Variants in FHOD3 observed in about 807,000 individuals in gnomAD.
FHOD3 encodes the protein formin homology 2 domain containing 3, also known as FH1/FH2 domain-containing protein 3.
A neutral mutation model predicts 173.0 loss-of-function variants in FHOD3; 90 were observed. The ratio of observed to expected loss-of-function variants is 0.52; its 90% CI spans 0.44 to 0.62. The LOEUF is 0.62. FHOD3 is among the 20% of genes least tolerant of loss of function. The pLI, the probability that FHOD3 is intolerant of heterozygous loss-of-function variation, is 0.00. For missense variants in FHOD3, 1,945 were observed against 2,034.7 expected, an observed-to-expected ratio of 0.96 and a Z score of 0.85; for synonymous variants, 828 against 823.0, an observed-to-expected ratio of 1.01 and a Z score of -0.10.
intron 1 of FHOD3, among the ~76,000 whole-genome samples, chr18:36,343,043 A>C (rs558497915): frequency 6.6e-6 from 1 of 152,346 alleles, no homozygotes; most frequent in East Asian, 1.9e-4. Context: ...ATTGTAGAGA[A>C]ATTGGAAACT....
intron 3 of FHOD3, among the ~76,000 whole-genome samples, chr18:36,450,145 C>T (rs1048708468): frequency 6.6e-6 from 1 of 152,310 alleles, no homozygotes; most frequent in Admixed American, 6.5e-5. Context: ...AGCTTAGCTC[C>T]CACCTATGAG....
chr18:36,713,709 A>AT (rs1263975335), intron 18 of FHOD3, among the ~76,000 whole-genome samples: 1 of 152,204 alleles, frequency 6.6e-6, no homozygotes, highest in Non-Finnish European at 1.5e-5. Flanking sequence ...AATTACATTG[A>AT]TTTTATCTTT....
At chr18:36,517,137 G>T (rs2056032158) in intron 5 of FHOD3, among the ~76,000 whole-genome samples, 1 of 152,166 alleles carries the variant, frequency 6.6e-6, no homozygotes, top group South Asian at 2.1e-4. Flanking sequence ...GTACAACGTG[G>T]AGGAATAATA....
intron 3 of FHOD3, among the ~76,000 whole-genome samples, chr18:36,381,324 A>G (rs1299038236): frequency 6.6e-6 from 1 of 152,234 alleles, no homozygotes; most frequent in African/African-American, 2.4e-5. Context: ...ATGCAGCTGA[A>G]ATTCCTTCTG....
At chr18:36,475,389 A>G (rs1001630248) in intron 3 of FHOD3, among the ~76,000 whole-genome samples, 2 of 148,648 alleles carry the variant, frequency 1.3e-5, no homozygotes, top group Admixed American at 1.4e-4. Context: ...GATCTCCACC[A>G]GGGTTATTGT....
chr18:36,436,163 G>T (rs1253130607), intron 3 of FHOD3, among the ~76,000 whole-genome samples: 1 of 152,190 alleles, frequency 6.6e-6, no homozygotes, highest in African/African-American at 2.4e-5. Flanking sequence ...GCATGCTGAG[G>T]TATGACAGTT....
At chr18:36,752,512 A>G (rs2042446953) in intron 24 of FHOD3, among the ~76,000 whole-genome samples, 1 of 152,196 alleles carries the variant, frequency 6.6e-6, no homozygotes, top group Non-Finnish European at 1.5e-5. Context: ...TACAATCTTC[A>G]TATCATGTAT....
At position 36,755,321 on chromosome 18, in the gene FHOD3, A is replaced by AT; in HGVS notation, c.4425+10_4425+11insT. 6.5e-7 allele frequency: 1 copy of AT among 1,550,006 alleles called. No homozygotes were observed. Among genetic ancestry groups the AT allele is most frequent in the Non-Finnish European group, 8.8e-7 (1 of 1,142,466 alleles). ...GAAGATGATCACCGATGTAAGTTTC[A>AT]CACAATCCCTCTCCTTATGTCATTC... is the stretch of plus-strand genomic sequence containing the variant. On this transcript the variant is annotated intron_variant, in intron 25 of 28. Transcript: ENST00000590592.
intron 1 of FHOD3, 26 bp downstream of exon 1, chr18:36,298,026 C>G: frequency 6.7e-7 from 1 of 1,481,956 alleles, no homozygotes; most frequent in Non-Finnish European, 9.0e-7. Flanking sequence ...GTGGGCTGGG[C>G]CCCCTGGACT....
chr18:36,702,097 C>G (rs2039622641), intron 17 of FHOD3, among the ~76,000 whole-genome samples: 2 of 152,200 alleles, frequency 1.3e-5, no homozygotes, highest in Non-Finnish European at 2.9e-5. Flanking sequence ...TGTGCCCATC[C>G]TCATGCAACT....
intron 5 of FHOD3, among the ~76,000 whole-genome samples, chr18:36,555,459 A>G (rs1432880397): frequency 2.0e-5 from 3 of 151,662 alleles, no homozygotes; most frequent in Non-Finnish European, 4.4e-5. Context: ...TTTGTGGGTC[A>G]GAATCTGGTC....
At chr18:36,361,009 T>A (rs2046582489) in intron 2 of FHOD3, among the ~76,000 whole-genome samples, 1 of 152,096 alleles carries the variant, frequency 6.6e-6, no homozygotes, top group African/African-American at 2.4e-5. Context: ...AACCCCCATG[T>A]TAAGAGAGAG....
intron 25 of FHOD3, among the ~76,000 whole-genome samples, chr18:36,757,953 A>T (rs1568740235): frequency 6.6e-6 from 1 of 152,216 alleles, no homozygotes; most frequent in Non-Finnish European, 1.5e-5. Context: ...GGCAGTGGTA[A>T]TCCTGGGTGA....
chr18:36,337,056 C>T (rs1026553596), intron 1 of FHOD3, among the ~76,000 whole-genome samples: 80 of 150,482 alleles, frequency 5.3e-4, no homozygotes, highest in African/African-American at 1.9e-3. Context: ...TCCTGTAGTC[C>T]TAGTTACTCG....
At chr18:36,523,360 T>A (rs2056366778) in intron 5 of FHOD3, among the ~76,000 whole-genome samples, 1 of 152,238 alleles carries the variant, frequency 6.6e-6, no homozygotes, top group African/African-American at 2.4e-5. Context: ...GGTTTTTGAC[T>A]GAAGACAAAC....
At chr18:36,739,378 T>C (rs1184160895) in intron 20 of FHOD3, among the ~76,000 whole-genome samples, 1 of 152,220 alleles carries the variant, frequency 6.6e-6, no homozygotes, top group African/African-American at 2.4e-5. Context: ...TACTGTTCAA[T>C]AAAAAATTTC....
intron 5 of FHOD3, among the ~76,000 whole-genome samples, chr18:36,552,595 T>C (rs2147380078): frequency 6.6e-6 from 1 of 151,626 alleles, no homozygotes; most frequent in South Asian, 2.1e-4. Flanking sequence ...GCCTCCCAGG[T>C]TCATGCCATT....
chr18:36,651,159 G>A (rs982066809), intron 11 of FHOD3, among the ~76,000 whole-genome samples: 1 of 152,108 alleles, frequency 6.6e-6, no homozygotes, highest in Non-Finnish European at 1.5e-5. Context: ...CTGAGGCACT[G>A]CCCTCAGCTC....
intron 10 of FHOD3, among the ~76,000 whole-genome samples, chr18:36,625,970 G>A (rs1392646731): frequency 1.3e-5 from 2 of 151,970 alleles, no homozygotes; most frequent in Non-Finnish European, 2.9e-5. Context: ...ACTAATCCCA[G>A]GAACTGTTTT....
Sources: gnomAD v4.1 joint callset for allele counts (sites outside exome capture counted in the v4.1 genomes callset) on GRCh38, gnomAD v4.1.1 for gene constraint, MANE v1.5 for transcripts, NCBI Gene and HGNC (gene_info 2026-07-23, HGNC 2026-07-21) for gene names.